SPAST: variants seen among roughly 807,000 people sequenced by gnomAD.
The protein encoded by SPAST is spastin.
Under a neutral mutation model 76.6 loss-of-function variants are expected in SPAST, and 30 were observed. The ratio of observed to expected loss-of-function variants is 0.39; its 90% CI spans 0.29 to 0.53. The LOEUF is 0.53. Ranked by LOEUF, SPAST falls within the 20% of genes least tolerant of loss-of-function variation. SPAST has a pLI of 0.68. For missense variants in SPAST, 717 were observed against 770.5 expected, an observed-to-expected ratio of 0.93 and a Z score of 0.82; for synonymous variants, 305 against 281.0, an observed-to-expected ratio of 1.09 and a Z score of -0.86.
chr2:32,083,771 TATA>T (rs1199319607), intron 1 of SPAST, among the ~76,000 whole-genome samples: 2,754 of 93,244 alleles, frequency 0.03, 211 homozygotes, highest in Non-Finnish European at 0.046. Flanking sequence ...TATATATATA[TATA>T]TATTTTTTTT....
intron 1 of SPAST, among the ~76,000 whole-genome samples, chr2:32,085,022 A>C (rs986154521): frequency 6.6e-6 from 1 of 151,944 alleles, no homozygotes; most frequent in Non-Finnish European, 1.5e-5. Context: ...CATTGTTATC[A>C]CTTTTGTTGC....
At chr2:32,122,146 A>C (rs1332701463) in intron 7 of SPAST, among the ~76,000 whole-genome samples, 1 of 152,152 alleles carries the variant, frequency 6.6e-6, no homozygotes, top group African/African-American at 2.4e-5. Flanking sequence ...GTTTCTCCAA[A>C]TGGCTATAGC....
intron 1 of SPAST, among the ~76,000 whole-genome samples, chr2:32,071,583 C>T (rs1573040921): frequency 1.3e-5 from 2 of 152,244 alleles, no homozygotes; most frequent in Admixed American, 1.3e-4. Context: ...TGATTTTATA[C>T]ACTTTAGGGA....
chr2:32,152,214 C>CAT (rs1276924851), intron 16 of SPAST, among the ~76,000 whole-genome samples: 3 of 152,114 alleles, frequency 2.0e-5, no homozygotes, highest in East Asian at 3.9e-4. Context: ...ATATAAGTTT[C>CAT]ATATATATAC....
rs200029938 is a variant in SPAST at position 32,063,988 on chromosome 2, T to G, written c.157T>G (p.Phe53Val). ...ESPHKRNLYY[F>V]SYPLFVGFAL... ...GCCGCATAAGCGGAACCTGTACTAT[T>G]TCTCCTACCCGCTGTTTGTAGGCTT... The change falls in exon 1 of 17, where the codon TTC becomes GTC. Residue 53 changes from phenylalanine to valine, a missense_variant. Physicochemically the swap from Phe to Val is conservative, Grantham distance 50. Transcript: ENST00000315285. The G allele has an allele frequency of 2.4e-5, 39 of 1,613,398 alleles. No individual in the cohort carries two copies. Among genetic ancestry groups the G allele is most frequent in the African/African-American group, 1.2e-4 (9 of 75,002 alleles).
chr2:32,084,469 T>C (rs2148706374), intron 1 of SPAST, among the ~76,000 whole-genome samples: 1 of 152,188 alleles, frequency 6.6e-6, no homozygotes, highest in Non-Finnish European at 1.5e-5. Flanking sequence ...TGGCCTACTT[T>C]TATTTCTTAA....
intron 1 of SPAST, among the ~76,000 whole-genome samples, chr2:32,075,425 C>CAAAAA (rs70938315): frequency 1.5e-5 from 1 of 65,604 alleles, no homozygotes; most frequent in Non-Finnish European, 2.7e-5. Flanking sequence ...GACTCTGTCT[C>CAAAAA]AAAAAAAAAA....
At chr2:32,125,943 C>T (rs1287503707) in intron 7 of SPAST, among the ~76,000 whole-genome samples, 2 of 152,010 alleles carry the variant, frequency 1.3e-5, no homozygotes, top group African/African-American at 4.8e-5. Flanking sequence ...GACAGGCACC[C>T]GCCACCACGC....
chr2:32,083,966 G>A (rs1417923744), intron 1 of SPAST, among the ~76,000 whole-genome samples: 3 of 146,912 alleles, frequency 2.0e-5, no homozygotes, highest in African/African-American at 2.5e-5. Context: ...TTTAGTAGAG[G>A]TGGAGTTTCG....
intron 1 of SPAST, among the ~76,000 whole-genome samples, chr2:32,065,254 G>A (rs1357538969): frequency 3.9e-5 from 6 of 152,032 alleles, no homozygotes; most frequent in Admixed American, 3.3e-4. Flanking sequence ...TCCTGACCTC[G>A]TGATCGGGTC....
At chr2:32,098,091 C>T (rs1020722116) in intron 3 of SPAST, among the ~76,000 whole-genome samples, 1 of 152,040 alleles carries the variant, frequency 6.6e-6, no homozygotes, top group Non-Finnish European at 1.5e-5. Flanking sequence ...ACCATGCAGT[C>T]TTTTAAAAAA....
intron 12 of SPAST, among the ~76,000 whole-genome samples, chr2:32,140,846 C>T (rs1412487434): frequency 6.6e-6 from 1 of 150,598 alleles, no homozygotes; most frequent in African/African-American, 2.4e-5. Flanking sequence ...TTAGTTTGCT[C>T]TATGGCAAAA....
chr2:32,154,570 G>T lies in SPAST; in HGVS notation c.*74G>T. 1 of 1,490,512 alleles carries T rather than the reference G, an allele frequency of 6.7e-7. No homozygotes were observed. The allele number at this position is 1,490,512 out of a possible 1,614,324, so 92.3% of individuals were successfully genotyped here. A position where few individuals can be genotyped will look rare whatever the true frequency, so the allele number is the denominator to read the frequency against. On this transcript the variant is annotated 3_prime_UTR_variant, in exon 17 of 17. Transcript: ENST00000315285. ...ACAAGATCTTCAATGAACGTCATCG[G>T]CTACAGAAACAGCCTAAGTTTACAG... is the stretch of plus-strand genomic sequence containing the variant.
At chr2:32,130,390 TA>T (rs1679330151) in intron 9 of SPAST, 1 of 152,108 alleles carries the variant, frequency 6.6e-6, no homozygotes, top group African/African-American at 2.4e-5. Context: ...ATGTTACCTG[TA>T]AAAGTTTGAA....
chr2:32,132,581 T>C (rs1277566256), intron 9 of SPAST, among the ~76,000 whole-genome samples: 1 of 152,118 alleles, frequency 6.6e-6, no homozygotes. Flanking sequence ...CTTAATGTTA[T>C]ATCTGCTTCC....
Position 32,103,712 on chromosome 2 carries a change from A to C in SPAST, c.682+4821A>C, listed in dbSNP as rs551015946. Among the ~76,000 whole-genome samples the C allele has an allele frequency of 1.1e-4, 16 of 151,724 alleles. No homozygotes were observed. In the East Asian group the frequency reaches 2.7e-3, roughly 26 times the overall value. On this transcript the variant is annotated intron_variant, in intron 4 of 16. Coordinates refer to ENST00000315285, the MANE Select transcript of SPAST (RefSeq NM_014946.4). ...AAAGAACATCTTTATTTCTGCCTTC[A>C]TTTTCTTATATACCCAGTAGTCATT...
In SPAST at chr2:32,112,346, CT is replaced by C. The variant is rs11434154; in HGVS notation, c.683-2276del. On this transcript the variant is annotated intron_variant, in intron 4 of 16. Transcript: ENST00000315285. ...TCGTTTTAAGGTATCCTGAATGTGG[CT>C]TTTTTTTTTTTTTTTCCTAAGACGG... 1.1e-3 allele frequency among the ~76,000 whole-genome samples: 152 copies of C among 132,884 alleles called. 1 individual carries two copies. The highest frequency in any genetic ancestry group is 5.4e-3 in the South Asian group (23 of 4,268). The allele number at this position is 132,884 out of a possible 152,430, so 87.2% of individuals were successfully genotyped here.
chr2:32,146,914 A>G (rs1188813397), intron 15 of SPAST, among the ~76,000 whole-genome samples: 1 of 151,806 alleles, frequency 6.6e-6, no homozygotes, highest in Non-Finnish European at 1.5e-5. Context: ...AAAACAAAAA[A>G]AGACTAATGC....
intron 4 of SPAST, 22 bp from the exon 5 acceptor site, chr2:32,114,616 G>A: frequency 6.2e-7 from 1 of 1,603,662 alleles, no homozygotes; most frequent in East Asian, 2.2e-5. Flanking sequence ...TAATCACAAT[G>A]GTTTTACTTT....
Sources: allele counts gnomAD v4.1 joint callset (sites outside exome capture counted in the v4.1 genomes callset), GRCh38; gene constraint gnomAD v4.1.1; transcripts MANE v1.5; gene names NCBI Gene and HGNC (gene_info 2026-07-23, HGNC 2026-07-21).